PDE4D: variants seen among roughly 807,000 people sequenced by gnomAD.
PDE4D encodes 3',5'-cyclic-AMP phosphodiesterase 4D.
PDE4D carries 24 observed loss-of-function variants against 87.4 expected under a neutral mutation model. The ratio of observed to expected loss-of-function variants is 0.27; its 90% CI spans 0.20 to 0.39. The LOEUF (loss-of-function observed/expected upper bound fraction) is 0.39. Among genes scored for constraint, PDE4D ranks in the 10% least tolerant of loss-of-function variants. The pLI is 1.00. For missense variants in PDE4D, 714 were observed against 1,041.0 expected, an observed-to-expected ratio of 0.69 and a Z score of 4.32; for synonymous variants, 384 against 383.2, an observed-to-expected ratio of 1.00 and a Z score of -0.02.
At chr5:59,278,510 T>A (rs1286262278) in intron 1 of PDE4D, among the ~76,000 whole-genome samples, 2 of 152,096 alleles carry the variant, frequency 1.3e-5, no homozygotes, top group African/African-American at 2.4e-5. Flanking sequence ...GATGTATACA[T>A]CCATTGGGTC....
intron 1 of PDE4D, among the ~76,000 whole-genome samples, chr5:59,798,598 A>G (rs112917760): frequency 2.0e-5 from 3 of 152,314 alleles, no homozygotes; most frequent in Admixed American, 1.3e-4. Flanking sequence ...AAAAAACCCA[A>G]GCAAACCTAG....
intron 1 of PDE4D, among the ~76,000 whole-genome samples, chr5:60,318,678 T>C (rs1400913668): frequency 4.6e-5 from 7 of 152,182 alleles, no homozygotes; most frequent in African/African-American, 7.2e-5. Flanking sequence ...AGGGCAGCCC[T>C]GGTGGTGACA....
At chr5:59,500,644 CCCTATGGT>C (rs1665232382) in intron 1 of PDE4D, among the ~76,000 whole-genome samples, 1 of 152,140 alleles carries the variant, frequency 6.6e-6, no homozygotes, top group African/African-American at 2.4e-5. Flanking sequence ...TTGAAAAACT[CCCTATGGT>C]CCTATGTCAC....
At chr5:59,523,581 AAGT>A (rs1193312257) in intron 1 of PDE4D, among the ~76,000 whole-genome samples, 1 of 152,184 alleles carries the variant, frequency 6.6e-6, no homozygotes, top group African/African-American at 2.4e-5. Context: ...CTAATACAGA[AAGT>A]AGAAAAAAAA....
chr5:60,018,089 T>C (rs1450607913), intron 2 of PDE4D, among the ~76,000 whole-genome samples: 1 of 152,148 alleles, frequency 6.6e-6, no homozygotes, highest in Non-Finnish European at 1.5e-5. Flanking sequence ...GCTGTATGTA[T>C]GTCTACTTTT....
intron 3 of PDE4D, among the ~76,000 whole-genome samples, chr5:59,907,015 G>A (rs950984588): frequency 1.3e-5 from 2 of 152,276 alleles, no homozygotes; most frequent in South Asian, 2.1e-4. Context: ...TAAAGAAAAT[G>A]TGGTACATAT....
chr5:60,487,430 T>C (rs1010225817), intron 1 of PDE4D, among the ~76,000 whole-genome samples: 8 of 152,256 alleles, frequency 5.3e-5, no homozygotes, highest in Non-Finnish European at 7.3e-5. Context: ...ATGTCTTCAA[T>C]TGGCTGCAGA....
intron 11 of PDE4D, among the ~76,000 whole-genome samples, chr5:58,986,493 C>T (rs1746449407): frequency 6.6e-6 from 1 of 152,166 alleles, no homozygotes; most frequent in African/African-American, 2.4e-5. Flanking sequence ...GAGCAGCAGG[C>T]AAGCCCGCAT....
intron 1 of PDE4D, among the ~76,000 whole-genome samples, chr5:59,646,308 A>G (rs572678995): frequency 2.7e-4 from 41 of 152,320 alleles, no homozygotes; most frequent in African/African-American, 9.6e-4. Context: ...GGATATGAAG[A>G]GGTAACTTCC....
Position 59,568,821 on chromosome 5 carries a change from T to A in PDE4D, c.455+324347A>T, listed in dbSNP as rs553442491. Among the ~76,000 whole-genome samples the A allele has an allele frequency of 3.3e-5, 5 of 152,254 alleles. No homozygotes were observed. In the South Asian group the frequency reaches 6.2e-4, roughly 19 times the overall value. ...CACGAGAACTAAATGCAATGTGGTA[T>A]CCTGAGTGGGGCCCTGGAATAGAAA... On this transcript the variant is annotated intron_variant, in intron 1 of 14. Coordinates refer to ENST00000340635, the MANE Select transcript of PDE4D (RefSeq NM_001104631.2).
intron 1 of PDE4D, among the ~76,000 whole-genome samples, chr5:59,724,413 G>A (rs1254526213): frequency 3.9e-5 from 6 of 151,944 alleles, no homozygotes; most frequent in Non-Finnish European, 5.9e-5. Context: ...TTTATTACAT[G>A]ACTAAGTTGC....
At chr5:59,900,900 A>C (rs1427186325) in intron 3 of PDE4D, among the ~76,000 whole-genome samples, 1 of 152,200 alleles carries the variant, frequency 6.6e-6, no homozygotes, top group Non-Finnish European at 1.5e-5. Flanking sequence ...GAAAAGATTT[A>C]ATCTTATAGT....
chr5:60,490,287 C>T (rs534894262), upstream of PDE4D: 3 of 152,192 alleles, frequency 2.0e-5, no homozygotes, highest in East Asian at 5.8e-4. Flanking sequence ...TACTGGGACT[C>T]GACATTTTTC....
intron 3 of PDE4D, among the ~76,000 whole-genome samples, chr5:59,916,421 CA>C (rs1172822894): frequency 1.3e-5 from 2 of 151,614 alleles, no homozygotes; most frequent in East Asian, 1.9e-4. Context: ...TCATGCAAAA[CA>C]AAAAAAAGTC....
intron 1 of PDE4D, among the ~76,000 whole-genome samples, chr5:60,325,690 T>C (rs1253138317): frequency 6.6e-6 from 1 of 152,076 alleles, no homozygotes; most frequent in Non-Finnish European, 1.5e-5. Context: ...TACCCAGTTT[T>C]CCCCCATGGT....
intron 2 of PDE4D, among the ~76,000 whole-genome samples, chr5:60,019,841 A>G (rs1765866415): frequency 1.3e-5 from 2 of 151,884 alleles, no homozygotes; most frequent in Non-Finnish European, 2.9e-5. Context: ...GTATTTTTCA[A>G]TTTCCTTCAA....
At chr5:59,632,449 G>C (rs1417296942) in intron 1 of PDE4D, among the ~76,000 whole-genome samples, 1 of 152,220 alleles carries the variant, frequency 6.6e-6, no homozygotes, top group African/African-American at 2.4e-5. Flanking sequence ...TCCCGATAGG[G>C]AGATACTCCC....
intron 2 of PDE4D, among the ~76,000 whole-genome samples, chr5:59,995,804 G>A (rs1763477952): frequency 6.6e-6 from 1 of 152,070 alleles, no homozygotes. Context: ...TGGAAGGAAG[G>A]GAGACAAAAC....
At chr5:59,171,493 A>T (rs1782754688) in intron 5 of PDE4D, among the ~76,000 whole-genome samples, 1 of 152,162 alleles carries the variant, frequency 6.6e-6, no homozygotes, top group South Asian at 2.1e-4. Flanking sequence ...CATAAAATAA[A>T]GTCCACTGTT....
Sources: allele counts gnomAD v4.1 joint callset (sites outside exome capture counted in the v4.1 genomes callset), GRCh38; gene constraint gnomAD v4.1.1; transcripts MANE v1.5; gene names NCBI Gene and HGNC (gene_info 2026-07-23, HGNC 2026-07-21).